Variants in NXPE2 observed in about 807,000 individuals in gnomAD.
NXPE2 encodes the protein neurexophilin and PC-esterase domain family member 2.
A neutral mutation model predicts 34.4 loss-of-function variants in NXPE2; 34 were observed. The ratio of observed to expected loss-of-function variants is 0.99; its 90% CI spans 0.75 to 1.31. NXPE2 has a LOEUF of 1.31. Among genes scored for constraint, NXPE2 ranks in the 40% most tolerant of loss-of-function variants. The pLI is 0.00. For missense variants in NXPE2, 649 were observed against 672.5 expected (o/e 0.97, Z 0.39); for synonymous variants, 235 against 231.3 (o/e 1.02, Z -0.15).
chr11:114,490,281 C>T, the NXPE2 span, among the ~76,000 whole-genome samples: 1 of 152,112 alleles, frequency 6.6e-6, no homozygotes, highest in African/African-American at 2.4e-5. Flanking sequence ...GCCATACTGC[C>T]CAAGATGATT....
the NXPE2 span, among the ~76,000 whole-genome samples, chr11:114,504,419 G>T: frequency 1.8e-3 from 270 of 152,006 alleles, no homozygotes; most frequent in African/African-American, 6.0e-3. Flanking sequence ...CTCCAGCAGG[G>T]CCCCCCCACA....
the NXPE2 span, among the ~76,000 whole-genome samples, chr11:114,719,390 T>TG: frequency 6.6e-6 from 1 of 152,126 alleles, no homozygotes; most frequent in African/African-American, 2.4e-5. Context: ...GTGTTTGTCC[T>TG]GGGGGATATG....
the NXPE2 span, among the ~76,000 whole-genome samples, chr11:114,537,778 A>T: frequency 6.6e-6 from 1 of 151,968 alleles, no homozygotes; most frequent in South Asian, 2.1e-4. Flanking sequence ...AATGAAATAA[A>T]AGAGGATACA....
At chr11:114,557,049 C>T in the NXPE2 span, among the ~76,000 whole-genome samples, 1 of 151,850 alleles carries the variant, frequency 6.6e-6, no homozygotes, top group African/African-American at 2.4e-5. Context: ...TGAGCCACCA[C>T]ACCTGGCCAA....
chr11:114,739,617 C>A, the NXPE2 span, among the ~76,000 whole-genome samples: 26 of 152,042 alleles, frequency 1.7e-4, no homozygotes, highest in African/African-American at 6.3e-4. Flanking sequence ...ACTCTGTTAG[C>A]AAATTTAGTA....
chr11:114,783,569 A>G, the NXPE2 span, among the ~76,000 whole-genome samples: 29 of 152,208 alleles, frequency 1.9e-4, no homozygotes, highest in Non-Finnish European at 1.0e-4. Context: ...AAAGTTGGTT[A>G]CTTTGTGTGC....
the NXPE2 span, among the ~76,000 whole-genome samples, chr11:114,576,320 G>A: frequency 4.6e-5 from 7 of 150,634 alleles, no homozygotes. Context: ...GGACCCAAAA[G>A]CAAATGCAAC....
At chr11:114,713,991 C>T in the NXPE2 span, among the ~76,000 whole-genome samples, 7 of 152,342 alleles carry the variant, frequency 4.6e-5, no homozygotes, top group South Asian at 4.1e-4. Context: ...ATTCTTGCTC[C>T]GCATATAAAT....
At chr11:114,669,817 T>C in the NXPE2 span, among the ~76,000 whole-genome samples, 1 of 152,092 alleles carries the variant, frequency 6.6e-6, no homozygotes, top group Admixed American at 6.6e-5. Flanking sequence ...AATGGAGATA[T>C]TGGTTGTAGG....
At chr11:114,682,144 A>G (rs1221336027) in intron 2 of NXPE2, among the ~76,000 whole-genome samples, 1 of 152,218 alleles carries the variant, frequency 6.6e-6, no homozygotes, top group Non-Finnish European at 1.5e-5. Flanking sequence ...ATTTTCCAAA[A>G]TTGTATAAAC....
At chr11:114,490,461 G>T in the NXPE2 span, among the ~76,000 whole-genome samples, 12 of 152,260 alleles carry the variant, frequency 7.9e-5, no homozygotes, top group East Asian at 1.2e-3. Context: ...ATACTACAAG[G>T]CTACAGTAAT....
the NXPE2 span, chr11:114,522,029 A>AT: frequency 1.2e-5 from 20 of 1,613,912 alleles, no homozygotes; most frequent in Non-Finnish European, 1.7e-5. Flanking sequence ...AGGTGGGTGG[A>AT]TAGTGTCAGT....
At chr11:114,786,362 C>A in the NXPE2 span, among the ~76,000 whole-genome samples, 1 of 121,142 alleles carries the variant, frequency 8.3e-6, no homozygotes, top group Non-Finnish European at 1.7e-5. Flanking sequence ...TCTACCCCCG[C>A]CCCCCGCCCC....
chr11:114,670,987 G>C, the NXPE2 span, among the ~76,000 whole-genome samples: 1 of 149,150 alleles, frequency 6.7e-6, no homozygotes, highest in African/African-American at 2.5e-5. Context: ...AAAAAGAAAG[G>C]AAATTATTAT....
At chr11:114,637,912 C>T in the NXPE2 span, among the ~76,000 whole-genome samples, 2 of 151,950 alleles carry the variant, frequency 1.3e-5, no homozygotes, top group Non-Finnish European at 2.9e-5. Context: ...TCCTTCCTTT[C>T]AACTTTGGTG....
At chr11:114,726,261 T>A in the NXPE2 span, among the ~76,000 whole-genome samples, 1 of 152,010 alleles carries the variant, frequency 6.6e-6, no homozygotes, top group East Asian at 1.9e-4. Context: ...TTATGTTATA[T>A]GCCAGTCTTT....
At chr11:114,740,174 G>C in the NXPE2 span, among the ~76,000 whole-genome samples, 7 of 152,116 alleles carry the variant, frequency 4.6e-5, no homozygotes, top group African/African-American at 1.7e-4. Flanking sequence ...TTAAAGTTAG[G>C]TATATGTGGT....
chr11:114,573,118 C>T, the NXPE2 span, among the ~76,000 whole-genome samples: 2 of 152,064 alleles, frequency 1.3e-5, no homozygotes, highest in East Asian at 1.9e-4. Flanking sequence ...AACTAAGCTT[C>T]GTAAATGAAG....
At chr11:114,467,741 C>T in the NXPE2 span, among the ~76,000 whole-genome samples, 1 of 151,776 alleles carries the variant, frequency 6.6e-6, no homozygotes, top group Non-Finnish European at 1.5e-5. Context: ...TGGAGGCCAG[C>T]CTGGGAAACA....
Sources: gnomAD v4.1 joint callset for allele counts (sites outside exome capture counted in the v4.1 genomes callset) on GRCh38, gnomAD v4.1.1 for gene constraint, MANE v1.5 for transcripts, NCBI Gene and HGNC (gene_info 2026-07-23, HGNC 2026-07-21) for gene names.